ZBTB16: variants seen among roughly 807,000 people sequenced by gnomAD.
ZBTB16 encodes the protein zinc finger and BTB domain containing 16.
Under a neutral mutation model 56.8 loss-of-function variants are expected in ZBTB16, and 8 were observed. That is an observed-to-expected ratio of 0.14 (90% CI 0.08 to 0.25). The LOEUF is 0.25. Ranked by LOEUF, ZBTB16 falls within the 10% of genes least tolerant of loss-of-function variation. The pLI is 1.00. For missense variants in ZBTB16, 625 were observed against 903.0 expected (o/e 0.69, Z 3.95); for synonymous variants, 363 against 368.5 (o/e 0.98, Z 0.17).
chr11:114,250,666 G>T lies in ZBTB16; in HGVS notation c.*111G>T. On this transcript the variant is annotated 3_prime_UTR_variant, in exon 7 of 7. Transcript: ENST00000335953. The surrounding 1 kb of genome is among the most constrained non-coding windows in gnomAD (Gnocchi z 6.0). ...AAGGAAAAGAAAAAAAAAAACAGAA[G>T]GAAAAGGAAACCTGGTAGCTTTTTG... The T allele has an allele frequency of 1.6e-6, 2 of 1,262,884 alleles. No homozygotes were observed. The highest frequency in any genetic ancestry group is 2.2e-6 in the Non-Finnish European group (2 of 910,256). The allele number at this position is 1,262,884 out of a possible 1,614,324, so 78.2% of individuals were successfully genotyped here. A position where few individuals can be genotyped will look rare whatever the true frequency, so the allele number is the denominator to read the frequency against.
intron 2 of ZBTB16, among the ~76,000 whole-genome samples, chr11:114,141,899 A>C (rs188467734): frequency 6.6e-6 from 1 of 152,376 alleles, no homozygotes; most frequent in East Asian, 1.9e-4. Flanking sequence ...GCACATAGTA[A>C]GTGCTCACAT....
intron 2 of ZBTB16, among the ~76,000 whole-genome samples, chr11:114,117,866 T>C (rs1199354021): frequency 1.3e-5 from 2 of 152,206 alleles, no homozygotes; most frequent in East Asian, 3.9e-4. Context: ...CCTTGAATAA[T>C]GTAAAGTGTT....
At chr11:114,233,531 C>G (rs1342452742) in intron 4 of ZBTB16, among the ~76,000 whole-genome samples, 1 of 151,868 alleles carries the variant, frequency 6.6e-6, no homozygotes, top group Non-Finnish European at 1.5e-5. Flanking sequence ...GTTTTGTAGC[C>G]CAGTACGAAA....
chr11:114,076,788 A>C (rs1939583302), intron 2 of ZBTB16, among the ~76,000 whole-genome samples: 1 of 152,118 alleles, frequency 6.6e-6, no homozygotes, highest in African/African-American at 2.4e-5. Context: ...TATAGGGCCC[A>C]TGTGCCTGGC....
intron 3 of ZBTB16, among the ~76,000 whole-genome samples, chr11:114,183,768 C>A (rs999702432): frequency 6.6e-6 from 1 of 152,198 alleles, no homozygotes; most frequent in Admixed American, 6.5e-5. Flanking sequence ...TTCATCCAGC[C>A]GCAGCTTTCC....
chr11:114,208,296 G>A (rs1943930069), intron 4 of ZBTB16, among the ~76,000 whole-genome samples: 1 of 152,136 alleles, frequency 6.6e-6, no homozygotes, highest in Admixed American at 6.5e-5. Context: ...AGAAAAGGGA[G>A]CTTCCTGATT....
At chr11:114,206,975 G>C (rs750529042) in intron 4 of ZBTB16, among the ~76,000 whole-genome samples, 1 of 152,164 alleles carries the variant, frequency 6.6e-6, no homozygotes, top group Non-Finnish European at 1.5e-5. Context: ...CCTAGTGAGA[G>C]GTTTATCACA....
Position 114,182,661 on chromosome 11 carries a change from C to T in ZBTB16, c.1367-4291C>T, listed in dbSNP as rs1046849981. Among the ~76,000 whole-genome samples, 87 of 152,302 alleles carry T rather than the reference C, an allele frequency of 5.7e-4. 2 individuals carry two copies. The highest frequency in any genetic ancestry group is 1.1e-3 in the Non-Finnish European group (75 of 68,036). ...TGTAAATGCTGCTGCTAGGTCCATG[C>T]GCACCCGCTGTGTTCAGCTGGCGTG... On this transcript the variant is annotated intron_variant, in intron 3 of 6. Transcript: ENST00000335953.
chr11:114,127,092 G>T (rs1941528858), intron 2 of ZBTB16, among the ~76,000 whole-genome samples: 1 of 152,036 alleles, frequency 6.6e-6, no homozygotes, highest in Non-Finnish European at 1.5e-5. Context: ...GTTCCCCCTT[G>T]CCCCCCAACT....
chr11:114,152,074 A>G (rs1398699753), intron 2 of ZBTB16, among the ~76,000 whole-genome samples: 2 of 152,226 alleles, frequency 1.3e-5, no homozygotes, highest in African/African-American at 4.8e-5. Flanking sequence ...GACAGGGTCC[A>G]GTTTTGAATT....
In ZBTB16 at chr11:114,250,050, C is replaced by A. The variant is rs1168820106; in HGVS notation, c.1793-276C>A. ...AAGAATAGTAAGACAAGGAGCTGGGCAATCCAGTAGTCAACTAGCTACATG... is the reference window on the plus strand; with the variant it reads ...AAGAATAGTAAGACAAGGAGCTGGGAAATCCAGTAGTCAACTAGCTACATG... On this transcript the variant is annotated intron_variant, in intron 6 of 6. Coordinates refer to ENST00000335953, the MANE Select transcript of ZBTB16 (RefSeq NM_006006.6). The surrounding 1 kb of genome is among the most constrained non-coding windows in gnomAD (Gnocchi z 6.0). Among the ~76,000 whole-genome samples the A allele has an allele frequency of 6.6e-6, 1 of 152,150 alleles. No homozygotes were observed. The highest frequency in any genetic ancestry group is 2.4e-5 in the African/African-American group (1 of 41,426).
chr11:114,169,876 G>C (rs1006319311), intron 3 of ZBTB16, among the ~76,000 whole-genome samples: 8 of 152,096 alleles, frequency 5.3e-5, no homozygotes, highest in Admixed American at 5.2e-4. Context: ...TGGTGGGAGT[G>C]GCCTACCTTT....
chr11:114,089,505 T>C lies in ZBTB16; in HGVS notation c.1268+24937T>C, dbSNP rs946795580. ...CAACCTGGCAGGTAGCACAGCGCAA[T>C]GATCCACGATGTTTAATAGGTTGAA... On this transcript the variant is annotated intron_variant, in intron 2 of 6. Coordinates refer to ENST00000335953, the MANE Select transcript of ZBTB16 (RefSeq NM_006006.6). Among the ~76,000 whole-genome samples, 16 of 152,172 alleles carry C rather than the reference T, an allele frequency of 1.1e-4. 1 individual carries two copies. Among genetic ancestry groups the C allele is most frequent in the Admixed American group, 2.6e-4 (4 of 15,284 alleles).
In ZBTB16 at chr11:114,143,182, T is replaced by C. The variant is rs1477808269; in HGVS notation, c.1269-13155T>C. 6.6e-6 allele frequency among the ~76,000 whole-genome samples: 1 copy of C among 152,142 alleles called. No individual in the cohort carries two copies. The highest frequency in any genetic ancestry group is 1.5e-5 in the Non-Finnish European group (1 of 68,026). ...GGTGGGTACCCGGCTCTAAGCAATA[T>C]GTTCTACTCCATCCAAATCCCGATT... On this transcript the variant is annotated intron_variant, in intron 2 of 6. Transcript: ENST00000335953. This position sits in a 1 kb window ranked among gnomAD's most constrained non-coding sequence, Gnocchi z 6.4.
At chr11:114,221,663 G>C (rs941179066) in intron 4 of ZBTB16, among the ~76,000 whole-genome samples, 3 of 152,072 alleles carry the variant, frequency 2.0e-5, no homozygotes, top group Admixed American at 6.5e-5. Flanking sequence ...GGGTGACTTG[G>C]GGGTTGTTTC....
At chr11:114,186,433 G>A (rs1419516484) in intron 3 of ZBTB16, among the ~76,000 whole-genome samples, 1 of 152,150 alleles carries the variant, frequency 6.6e-6, no homozygotes, top group Non-Finnish European at 1.5e-5. Context: ...CAGGCACAGG[G>A]GAGCCATTCA....
intron 2 of ZBTB16, among the ~76,000 whole-genome samples, chr11:114,097,098 G>A (rs908534466): frequency 5.3e-5 from 8 of 152,194 alleles, no homozygotes; most frequent in African/African-American, 1.7e-4. Context: ...TATACATATA[G>A]TGGAATATTA....
chr11:114,228,775 C>A (rs1001398172), intron 4 of ZBTB16, among the ~76,000 whole-genome samples: 1 of 152,248 alleles, frequency 6.6e-6, no homozygotes, highest in African/African-American at 2.4e-5. Context: ...TAGAAGTGTG[C>A]CTTCTGGCAG....
chr11:114,188,245 G>C (rs1943408862), intron 4 of ZBTB16: 1 of 152,148 alleles, frequency 6.6e-6, no homozygotes, highest in South Asian at 2.1e-4. Context: ...CAGTAACCCT[G>C]TAAGGTAAGG....
Sources: gnomAD v4.1 joint callset for allele counts (sites outside exome capture counted in the v4.1 genomes callset) on GRCh38, gnomAD v4.1.1 for gene constraint, Gnocchi (gnomAD v3.1) non-coding constraint, MANE v1.5 for transcripts, NCBI Gene and HGNC (gene_info 2026-07-23, HGNC 2026-07-21) for gene names.